Variants in NOBOX observed in about 807,000 individuals in gnomAD.
NOBOX encodes the protein NOBOX oogenesis homeobox.
NOBOX carries 46 observed loss-of-function variants against 60.2 expected under a neutral mutation model. That is an observed-to-expected ratio of 0.76 (90% CI 0.60 to 0.98). The LOEUF is 0.98. Ranked by LOEUF, NOBOX falls within the 50% of genes least tolerant of loss-of-function variation. The pLI is 0.00. For missense variants in NOBOX, 880 were observed against 865.5 expected, an observed-to-expected ratio of 1.02 and a Z score of -0.21; for synonymous variants, 360 against 346.3, an observed-to-expected ratio of 1.04 and a Z score of -0.44.
chr7:144,408,736 A>C (rs188036787), intron 1 of NOBOX, among the ~76,000 whole-genome samples: 124 of 152,218 alleles, frequency 8.1e-4, no homozygotes, highest in Non-Finnish European at 1.4e-3. Flanking sequence ...CGCATGGGGG[A>C]TGGATCATTG....
Position 144,397,308 on chromosome 7 carries a change from C to G in NOBOX, c.2008G>C (p.Ala670Pro). ...AGTGCTGAGGGCTGATCCAGGGAAG[C>G]AGCTGGTGGTTCCTCTTTTGCCTTG... Residue 670 changes from alanine (A) to proline (P), a missense_variant, in exon 10 of 10, where the codon GCT (alanine) becomes CCT (proline). Transcript: ENST00000467773. 6.5e-7 allele frequency: 1 copy of G among 1,537,288 alleles called. No homozygotes were observed. Among genetic ancestry groups the G allele is most frequent in the Non-Finnish European group, 8.7e-7 (1 of 1,146,922 alleles).
At chr7:144,405,602 T>C (rs2053979959) in intron 1 of NOBOX, among the ~76,000 whole-genome samples, 1 of 152,200 alleles carries the variant, frequency 6.6e-6, no homozygotes, top group African/African-American at 2.4e-5. Context: ...GACCCCTGAC[T>C]GCCAGGATGA....
At chr7:144,403,607 C>T (rs1169570637) in intron 2 of NOBOX, 50 bp downstream of exon 1, 7 of 688,166 alleles carry the variant, frequency 1.0e-5, no homozygotes, top group Non-Finnish European at 1.6e-5. Flanking sequence ...CCCCCCCTCC[C>T]CGAACCCCCA....
At position 144,399,788 on chromosome 7, in the gene NOBOX, C is replaced by T; in HGVS notation, c.1123G>A (p.Ala375Thr). 1 of 1,612,780 alleles carries T rather than the reference C, an allele frequency of 6.2e-7. No individual in the cohort carries two copies. Among genetic ancestry groups the T allele is most frequent in the Non-Finnish European group, 8.5e-7 (1 of 1,179,216 alleles). ...TGACTGCTGGCAGGGCCAGGGGCTG[C>T]AGGATTGTCCTTGCTTTCTTTCCCA... The change falls in exon 6 of 10, where the codon GCA (alanine) becomes ACA (threonine). Residue 375 changes from alanine (A) to threonine (T), a missense_variant. Ala to Thr is a moderately conservative substitution (Grantham distance 58). Transcript: ENST00000467773.
intron 2 of NOBOX, 45 bp downstream of exon 1, chr7:144,403,612 C>CCCCCCAAA: frequency 1.5e-6 from 1 of 666,546 alleles, no homozygotes. Context: ...CCTCCCCGAA[C>CCCCCCAAA]CCCCAAAGCC....
At chr7:144,408,236 C>CTTTTTT (rs540515599) in intron 1 of NOBOX, among the ~76,000 whole-genome samples, 1 of 140,578 alleles carries the variant, frequency 7.1e-6, no homozygotes, top group African/African-American at 2.6e-5. Flanking sequence ...CAGCATGAAA[C>CTTTTTT]TTTTTTTTTT....
At chr7:144,408,952 G>C (rs2054003999) in intron 1 of NOBOX, among the ~76,000 whole-genome samples, 1 of 152,222 alleles carries the variant, frequency 6.6e-6, no homozygotes, top group South Asian at 2.1e-4. Flanking sequence ...TAAGGTCACA[G>C]ACTGTATCAA....
At position 144,398,382 on chromosome 7, in the gene NOBOX, G is replaced by A; in HGVS notation, c.1674C>T (p.Leu558=). The change falls in exon 9 of 10, where the codon CTC becomes CTT. Residue 558 remains leucine (L), a synonymous_variant. Coordinates refer to ENST00000467773, the MANE Select transcript of NOBOX (RefSeq NM_001080413.3). ...CGCTGGGGCCACAGGGAAACATAAA[G>A]AGAGAGTCTTCGGGCGGTGGAAGCG... The A allele has an allele frequency of 1.3e-6, 2 of 1,537,236 alleles. No individual in the cohort carries two copies. Among genetic ancestry groups the A allele is most frequent in the Non-Finnish European group, 1.7e-6 (2 of 1,146,904 alleles).
In NOBOX at chr7:144,409,118, A is replaced by G. The variant is rs187456465; in HGVS notation, c.85+1025T>C. On this transcript the variant is annotated intron_variant, in intron 1 of 9. Coordinates refer to ENST00000467773, the MANE Select transcript of NOBOX (RefSeq NM_001080413.3). ...AGTTGATCCTAGTGTTCTGACCACA[A>G]GTTTGGTTCTCCTGGACTTGGTTAA... 3.3e-4 allele frequency among the ~76,000 whole-genome samples: 51 copies of G among 152,330 alleles called. 1 individual carries two copies. The highest frequency in any genetic ancestry group is 3.0e-3 in the Admixed American group (46 of 15,300).
At chr7:144,400,442 C>G in intron 4 of NOBOX, 130 bp from the exon 3 acceptor site, 1 of 766,422 alleles carries the variant, frequency 1.3e-6, no homozygotes, top group Non-Finnish European at 2.1e-6. Context: ...TTCCCAAAGC[C>G]TTTTTCCTAT....
At position 144,400,306 on chromosome 7, in the gene NOBOX, A is replaced by AGCTGAT. The variant is rs748852239; in HGVS notation, c.845_850dup (p.Gln283_Leu284insHisGln). ...TTGGAATATCTTCTCTAGCTCCTCC[A>AGCTGAT]GCTGATCTGAAAGAAGAAGAAACTT... On this transcript the variant is annotated inframe_insertion, in exon 5 of 10. Coordinates refer to ENST00000467773, the MANE Select transcript of NOBOX (RefSeq NM_001080413.3). 1 of 1,613,900 alleles carries AGCTGAT rather than the reference A, an allele frequency of 6.2e-7. No individual in the cohort carries two copies. The highest frequency in any genetic ancestry group is 8.5e-7 in the Non-Finnish European group (1 of 1,179,778).
rs1436835136 is a variant in NOBOX, at chr7:144,399,105, C to T, written c.1314G>A (p.Val438=). ...GTGGGGGGCTGAAGAGTGGGGGGGT[C>T]ACCACCCTCTGAGCACCCTCACTGG... The change falls in exon 8 of 10, where the codon GTG becomes GTA. Residue 438 remains valine, a synonymous_variant. Coordinates refer to ENST00000467773, the MANE Select transcript of NOBOX (RefSeq NM_001080413.3). The T allele has an allele frequency of 1.4e-6, 2 of 1,445,772 alleles. No individual in the cohort carries two copies. The highest frequency in any genetic ancestry group is 1.9e-6 in the Non-Finnish European group (2 of 1,029,616). The allele number at this position is 1,445,772 out of a possible 1,614,324, so 89.6% of individuals were successfully genotyped here.
chr7:144,403,583 G>T (rs1185619347), intron 2 of NOBOX, 74 bp downstream of exon 1: 3 of 621,892 alleles, frequency 4.8e-6, no homozygotes, highest in Non-Finnish European at 8.9e-6. Flanking sequence ...CGCTGACCTG[G>T]TGATCACAGG....
chr7:144,404,804 A>G, intron 1 of NOBOX: 2 of 1,139,308 alleles, frequency 1.8e-6, no homozygotes, highest in Non-Finnish European at 2.5e-6. Flanking sequence ...TTCCTGGTTC[A>G]CGGAATGTTT....
chr7:144,405,249 A>G (rs2053977344), intron 1 of NOBOX, among the ~76,000 whole-genome samples: 1 of 152,214 alleles, frequency 6.6e-6, no homozygotes, highest in Non-Finnish European at 1.5e-5. Context: ...TTTCTGTGCT[A>G]GAAATGAAGC....
chr7:144,401,819 A>G lies in NOBOX; in HGVS notation c.292+50T>C. The G allele has an allele frequency of 1.5e-6, 2 of 1,330,024 alleles. No individual in the cohort carries two copies. The highest frequency in any genetic ancestry group is 2.1e-6 in the Non-Finnish European group (2 of 932,954). 82.4% of individuals were successfully genotyped at this position (1,330,024 alleles called of 1,614,324 possible). On this transcript the variant is annotated intron_variant, in intron 3 of 9. Transcript: ENST00000467773. This position sits in a 1 kb window ranked among gnomAD's most constrained non-coding sequence, Gnocchi z 4.2. ...TGAAAAATGTAGACAAATTTATGCA[A>G]TTCTGAGACGGCGTTAGCTCATGGT...
Position 144,400,295 on chromosome 7 carries a change from C to G in NOBOX, c.862G>C (p.Glu288Gln). Residue 288 changes from glutamate to glutamine, a missense_variant, in exon 5 of 10, where the codon GAG becomes CAG. Transcript: ENST00000467773. ...TAGTGGTCTTCTTGGAATATCTTCT[C>G]TAGCTCCTCCAGCTGATCTGAAAGA... 4.3e-6 allele frequency: 7 copies of G among 1,614,018 alleles called. No homozygotes were observed. Among genetic ancestry groups the G allele is most frequent in the Non-Finnish European group, 5.9e-6 (7 of 1,179,868 alleles).
chr7:144,407,842 G>A (rs1322251970), intron 1 of NOBOX, among the ~76,000 whole-genome samples: 2 of 152,348 alleles, frequency 1.3e-5, no homozygotes, highest in East Asian at 3.9e-4. Flanking sequence ...GATAATCTGC[G>A]TTTAACAAGA....
intron 5 of NOBOX, 60 bp from the exon 4 acceptor site, chr7:144,399,923 C>A: frequency 7.0e-7 from 1 of 1,426,738 alleles, no homozygotes; most frequent in South Asian, 1.2e-5. Context: ...AGGCTTAGGT[C>A]CTGGCTGTTG....
Sources: allele counts gnomAD v4.1 joint callset (sites outside exome capture counted in the v4.1 genomes callset), GRCh38; gene constraint gnomAD v4.1.1; non-coding constraint Gnocchi (gnomAD v3.1); transcripts MANE v1.5; gene names NCBI Gene and HGNC (gene_info 2026-07-23, HGNC 2026-07-21).